ATR: variants seen among roughly 807,000 people sequenced by gnomAD.
The protein encoded by ATR is ATR checkpoint kinase, also known as serine/threonine-protein kinase ATR.
In ATR, 142 loss-of-function variants were observed where a neutral mutation model predicts 305.3. The observed-to-expected ratio is 0.47, with a 90% CI of 0.41 to 0.53. The LOEUF is 0.53. Among genes scored for constraint, ATR ranks in the 20% least tolerant of loss-of-function variants. The probability of loss-of-function intolerance (pLI) is 0.00; values close to 1 mark genes in which losing one functional copy is unlikely to be tolerated. For missense variants in ATR, 2,135 were observed against 3,133.1 expected, an observed-to-expected ratio of 0.68 and a Z score of 7.60; for synonymous variants, 1,050 against 1,068.1, an observed-to-expected ratio of 0.98 and a Z score of 0.33.
intron 36 of ATR, among the ~76,000 whole-genome samples, chr3:142,473,569 A>G (rs1431852917): frequency 1.3e-5 from 2 of 148,910 alleles, no homozygotes; most frequent in African/African-American, 2.5e-5. Flanking sequence ...TTTTAGAGAC[A>G]TAGTCTCAGT....
At chr3:142,569,346 G>A (rs972589624) in intron 1 of ATR, among the ~76,000 whole-genome samples, 3 of 151,928 alleles carry the variant, frequency 2.0e-5, no homozygotes, top group African/African-American at 7.3e-5. Context: ...TTGGCGACAG[G>A]GTCTAACCCT....
chr3:142,568,455 A>T (rs990151399), intron 1 of ATR, among the ~76,000 whole-genome samples: 4 of 152,216 alleles, frequency 2.6e-5, no homozygotes, highest in Non-Finnish European at 1.5e-5. Flanking sequence ...TACAAATTGA[A>T]ATGTGCTATT....
chr3:142,556,722 T>C (rs2034687880), intron 8 of ATR, 147 bp from the exon 9 acceptor site: 2 of 785,084 alleles, frequency 2.5e-6, no homozygotes, highest in African/African-American at 3.5e-5. Context: ...TAATACCTAA[T>C]TTAATTAAAA....
intron 46 of ATR, chr3:142,450,444 T>G: frequency 6.3e-7 from 1 of 1,599,240 alleles, no homozygotes; most frequent in Non-Finnish European, 8.5e-7. Flanking sequence ...TGAGACTACA[T>G]CACCACAGAG....
At chr3:142,465,276 A>C (rs749203905) in intron 40 of ATR, 36 bp from the exon 41 acceptor site, 23 of 1,571,492 alleles carry the variant, frequency 1.5e-5, no homozygotes, top group Non-Finnish European at 2.0e-5. Flanking sequence ...ATTAGGGCCA[A>C]AAATTTCTGT....
At chr3:142,572,009 G>A (rs991029069) in intron 1 of ATR, among the ~76,000 whole-genome samples, 1 of 150,300 alleles carries the variant, frequency 6.7e-6, no homozygotes, top group African/African-American at 2.5e-5. Context: ...CAGGTAATCC[G>A]CCCGCCTCAG....
At chr3:142,559,512 T>C (rs945854505) in intron 6 of ATR, 71 bp from the exon 7 acceptor site, 1 of 1,467,280 alleles carries the variant, frequency 6.8e-7, no homozygotes, top group Admixed American at 1.9e-5. Flanking sequence ...CATAAAATTG[T>C]AGTAAAGCCA....
At chr3:142,484,858 C>G (rs1242075631) in intron 36 of ATR, among the ~76,000 whole-genome samples, 1 of 152,100 alleles carries the variant, frequency 6.6e-6, no homozygotes, top group East Asian at 1.9e-4. Context: ...TGTAAGTCTT[C>G]TACTGTGTTG....
chr3:142,571,873 TCTC>T (rs2035274922), intron 1 of ATR, among the ~76,000 whole-genome samples: 1 of 151,730 alleles, frequency 6.6e-6, no homozygotes, highest in Admixed American at 6.6e-5. Flanking sequence ...CTCAAGCAAT[TCTC>T]CTGCCTCAGC....
intron 21 of ATR, among the ~76,000 whole-genome samples, chr3:142,527,638 A>C (rs1019684740): frequency 3.3e-5 from 5 of 151,972 alleles, no homozygotes; most frequent in African/African-American, 1.2e-4. Context: ...TCTGTTCTCT[A>C]TATTTCTGCT....
At chr3:142,567,023 C>T (rs541676057) in intron 2 of ATR, among the ~76,000 whole-genome samples, 7 of 152,156 alleles carry the variant, frequency 4.6e-5, no homozygotes, top group Non-Finnish European at 7.3e-5. Flanking sequence ...GGATTACAGG[C>T]GTGAGCCACC....
Position 142,553,977 on chromosome 3 carries a change from C to T in ATR, c.2380G>A (p.Asp794Asn), listed in dbSNP as rs543336253. The change falls in exon 11 of 47, where the codon GAT (aspartate) becomes AAT (asparagine). Residue 794 changes from aspartate (D) to asparagine (N), a missense_variant. Around this residue, in one of 9 missense-constraint regions of ATR, gnomAD observed 530 missense variants for 766.8 expected, o/e 0.69. Transcript: ENST00000350721. Reference protein sequence around the residue: ...DNLHHLCKHLDFREDETDVKA... With the variant: ...DNLHHLCKHLNFREDETDVKA... Reference sequence around the variant, plus strand: ...ACATCTGTTTCATCTTCTCTAAAATCAAGATGCTTACAAAGATGATGTAGA... The same window carrying T: ...ACATCTGTTTCATCTTCTCTAAAATTAAGATGCTTACAAAGATGATGTAGA... The T allele has an allele frequency of 6.2e-7, 1 of 1,609,980 alleles. No homozygotes were observed. The highest frequency in any genetic ancestry group is 1.3e-5 in the African/African-American group (1 of 74,856).
rs367920820 is a variant in ATR, at chr3:142,515,458, T to C, written c.4440A>G (p.Leu1480=). 1 of 1,613,492 alleles carries C rather than the reference T, an allele frequency of 6.2e-7. No homozygotes were observed. Among genetic ancestry groups the C allele is most frequent in the African/African-American group, 1.3e-5 (1 of 75,024 alleles). The change falls in exon 25 of 47, where the codon TTA becomes TTG. Residue 1480 remains leucine, a synonymous_variant. Coordinates refer to ENST00000350721, the MANE Select transcript of ATR (RefSeq NM_001184.4). ...CTGCAAAGTTACTACCCAATTTACTTAAGTAAATTGGCTTCTTTACTCCAG... is the reference window on the plus strand; with the variant it reads ...CTGCAAAGTTACTACCCAATTTACTCAAGTAAATTGGCTTCTTTACTCCAG... ...DWSGVKKPIY[L]SKLGSNFAEW...
intron 21 of ATR, among the ~76,000 whole-genome samples, chr3:142,528,683 T>G (rs1292575336): frequency 1.3e-5 from 2 of 151,294 alleles, no homozygotes; most frequent in African/African-American, 4.8e-5. Flanking sequence ...CTTATTAATG[T>G]GACTCAGATG....
intron 27 of ATR, among the ~76,000 whole-genome samples, chr3:142,509,503 G>T (rs1001062019): frequency 4.0e-5 from 6 of 149,158 alleles, no homozygotes; most frequent in Admixed American, 3.3e-4. Flanking sequence ...TTAAAATAAG[G>T]TCCTTATTTC....
intron 46 of ATR, chr3:142,451,037 T>A: frequency 7.9e-7 from 1 of 1,267,778 alleles, no homozygotes; most frequent in Non-Finnish European, 1.0e-6. Flanking sequence ...CACCAGTGAA[T>A]ATGAATCATC....
intron 46 of ATR, chr3:142,450,614 GT>G: frequency 3.1e-6 from 5 of 1,607,820 alleles, no homozygotes; most frequent in Non-Finnish European, 4.3e-6. Context: ...TTAGGAAAAG[GT>G]GGATATGGAA....
Position 142,517,795 on chromosome 3 carries a change from A to G in ATR, c.4382+1874T>C, listed in dbSNP as rs141678315. ...TTGGCTTCTACTTCTTATGAAGTAT[A>G]TGATAGCCAACCTCACAAATTCTCC... On this transcript the variant is annotated intron_variant, in intron 24 of 46. Coordinates refer to ENST00000350721, the MANE Select transcript of ATR (RefSeq NM_001184.4). 1.6e-3 allele frequency among the ~76,000 whole-genome samples: 246 copies of G among 152,336 alleles called. 1 individual carries two copies. Among genetic ancestry groups the G allele is most frequent in the African/African-American group, 4.7e-3 (195 of 41,586 alleles).
Position 142,540,418 on chromosome 3 carries a change from A to G in ATR, c.3581+486T>C, listed in dbSNP as rs72996190. Among the ~76,000 whole-genome samples, 1,745 of 152,308 alleles carry G rather than the reference A, an allele frequency of 0.011. 32 individuals are homozygous for G. Among genetic ancestry groups the G allele is most frequent in the African/African-American group, 0.04 (1,683 of 41,574 alleles). ...CATAATATATACAATGTCTTTGGGA[A>G]AAATACCTTTGAGACAACTGGAGGA... On this transcript the variant is annotated intron_variant, in intron 18 of 46. Coordinates refer to ENST00000350721, the MANE Select transcript of ATR (RefSeq NM_001184.4).
Sources: gnomAD v4.1 joint callset for allele counts (sites outside exome capture counted in the v4.1 genomes callset) on GRCh38, gnomAD v4.1.1 for gene constraint, gnomAD v4.1.1 regional missense constraint, MANE v1.5 for transcripts, NCBI Gene and HGNC (gene_info 2026-07-23, HGNC 2026-07-21) for gene names.